PSTPIP1: variants seen among roughly 807,000 people sequenced by gnomAD.
The protein encoded by PSTPIP1 is proline-serine-threonine phosphatase-interacting protein 1.
Under a neutral mutation model 69.6 loss-of-function variants are expected in PSTPIP1, and 66 were observed. The ratio of observed to expected loss-of-function variants is 0.95; its 90% CI spans 0.78 to 1.16. The LOEUF (loss-of-function observed/expected upper bound fraction) is 1.16, where lower values mean the gene tolerates loss of function less well. Ranked by LOEUF, PSTPIP1 falls within the 50% of genes most tolerant of loss-of-function variation. PSTPIP1 has a pLI of 0.00. For missense variants in PSTPIP1, 603 were observed against 557.4 expected (o/e 1.08, Z -0.82); for synonymous variants, 266 against 222.7 (o/e 1.19, Z -1.73).
chr15:76,994,951 G>A, upstream of PSTPIP1: 2 of 1,224,522 alleles, frequency 1.6e-6, no homozygotes, highest in Non-Finnish European at 2.1e-6. Flanking sequence ...CACTGTCAGT[G>A]GGCCTCAAGC....
chr15:77,034,143 A>G (rs1017358604), intron 12 of PSTPIP1, among the ~76,000 whole-genome samples: 5 of 152,090 alleles, frequency 3.3e-5, no homozygotes, highest in African/African-American at 1.2e-4. Flanking sequence ...AGGACTGGGA[A>G]GAGGCGGGGG....
chr15:77,032,677 C>T (rs1406074303), intron 11 of PSTPIP1, 185 bp from the exon 12 acceptor site: 2 of 632,226 alleles, frequency 3.2e-6, no homozygotes, highest in Non-Finnish European at 5.5e-6. Context: ...CACTGGATCA[C>T]GGGTCCAGAA....
At chr15:77,001,011 C>G (rs80246505) in intron 1 of PSTPIP1, among the ~76,000 whole-genome samples, 1 of 152,118 alleles carries the variant, frequency 6.6e-6, no homozygotes, top group East Asian at 1.9e-4. Context: ...TCGGGAACAC[C>G]TGTGGGTGTG....
intron 12 of PSTPIP1, among the ~76,000 whole-genome samples, chr15:77,033,267 G>C (rs533951956): frequency 9.8e-4 from 149 of 152,338 alleles, no homozygotes; most frequent in African/African-American, 2.7e-3. Flanking sequence ...TGCCCTGTCA[G>C]GCTGCAGTGG....
rs1292085058 is a variant in PSTPIP1, at chr15:77,025,215, G to T, written c.213-69G>T. On this transcript the variant is annotated intron_variant, in intron 3 of 14. Transcript: ENST00000558012. Reference sequence around the variant, plus strand: ...GTCCTCCCCACTGCCCACCCCGCCGGGAGGCAGCCTGGACTGTAGGTTCCC... The same window carrying T: ...GTCCTCCCCACTGCCCACCCCGCCGTGAGGCAGCCTGGACTGTAGGTTCCC... 9.9e-6 allele frequency: 15 copies of T among 1,516,794 alleles called. No homozygotes were observed. The East Asian group carries it at 3.2e-4, about 32-fold the overall frequency. The allele number at this position is 1,516,794 out of a possible 1,614,324, so 94.0% of individuals were successfully genotyped here. A position where few individuals can be genotyped will look rare whatever the true frequency, so the allele number is the denominator to read the frequency against.
At chr15:77,029,500 T>A (rs2076363068) in intron 7 of PSTPIP1, 29 bp from the exon 8 acceptor site, 1 of 1,563,118 alleles carries the variant, frequency 6.4e-7, no homozygotes, top group African/African-American at 1.4e-5. Flanking sequence ...GGGCAGGGGC[T>A]TAGCGCTGCT....
chr15:76,999,967 G>A (rs1315555891), intron 1 of PSTPIP1, among the ~76,000 whole-genome samples: 1 of 152,222 alleles, frequency 6.6e-6, no homozygotes, highest in African/African-American at 2.4e-5. Context: ...AGGACCTGGG[G>A]AGGCTGGGTC....
chr15:76,996,991 A>G (rs185306283), intron 1 of PSTPIP1, among the ~76,000 whole-genome samples: 1 of 152,250 alleles, frequency 6.6e-6, no homozygotes, highest in Non-Finnish European at 1.5e-5. Context: ...CCCCTTGACT[A>G]TTTTATCACT....
At position 77,027,415 on chromosome 15, in the gene PSTPIP1, C is replaced by T. The variant is rs2076304517; in HGVS notation, c.355-437C>T. Among the ~76,000 whole-genome samples the T allele has an allele frequency of 6.6e-6, 1 of 152,124 alleles. No homozygotes were observed. The highest frequency in any genetic ancestry group is 1.5e-5 in the Non-Finnish European group (1 of 68,022). On this transcript the variant is annotated intron_variant, in intron 5 of 14. Coordinates refer to ENST00000558012, the MANE Select transcript of PSTPIP1 (RefSeq NM_003978.5). The surrounding 1 kb of genome is among the most constrained non-coding windows in gnomAD (Gnocchi z 4.3). The stretch of plus-strand genomic sequence containing the variant: ...GCATCTGTGGGTGTGCACAGGAATG[C>T]CTGTGATCATGCGTGTGGGCAGCTA...
chr15:76,997,776 A>C (rs1305373276), intron 1 of PSTPIP1, among the ~76,000 whole-genome samples: 2 of 152,182 alleles, frequency 1.3e-5, no homozygotes, highest in Non-Finnish European at 2.9e-5. Context: ...AATATTCTGA[A>C]GCTTCATTTG....
At chr15:77,018,122 A>C in intron 1 of PSTPIP1, 26 bp from the exon 2 acceptor site, 1 of 1,558,176 alleles carries the variant, frequency 6.4e-7, no homozygotes, top group South Asian at 1.2e-5. Flanking sequence ...CGTGGCCCTC[A>C]TGTGTCCTTC....
At chr15:77,032,720 T>G in intron 11 of PSTPIP1, 142 bp from the exon 12 acceptor site, 1 of 701,614 alleles carries the variant, frequency 1.4e-6, no homozygotes, top group Admixed American at 2.8e-5. Flanking sequence ...CGGTGGGGTC[T>G]CTCATGGGAG....
intron 1 of PSTPIP1, among the ~76,000 whole-genome samples, chr15:77,002,303 G>A (rs1384758979): frequency 6.6e-6 from 1 of 152,204 alleles, no homozygotes; most frequent in East Asian, 1.9e-4. Flanking sequence ...GTTTGTTCTT[G>A]CTTCTACTTT....
At chr15:77,025,233 A>G (rs1260931326) in intron 3 of PSTPIP1, 51 bp from the exon 4 acceptor site, 1 of 1,556,436 alleles carries the variant, frequency 6.4e-7, no homozygotes, top group Non-Finnish European at 8.9e-7. Context: ...CCTGGACTGT[A>G]GGTTCCCGCT....
intron 1 of PSTPIP1, among the ~76,000 whole-genome samples, chr15:76,999,883 G>GA (rs1260998348): frequency 6.6e-6 from 1 of 152,168 alleles, no homozygotes; most frequent in Non-Finnish European, 1.5e-5. Flanking sequence ...TTTTAAGAGG[G>GA]AAAATCTAGT....
Position 76,995,710 on chromosome 15 carries a change from C to T in PSTPIP1, c.36+101C>T, listed in dbSNP as rs2075563188. 4.4e-6 allele frequency: 7 copies of T among 1,588,790 alleles called. No homozygotes were observed. The South Asian group carries it at 6.6e-5, about 15-fold the overall frequency. ...GATGCGGCTCCGAGAGGGGAGCTTT[C>T]TCATAAAATAGTGGTTGATTCTTGG... On this transcript the variant is annotated intron_variant, in intron 1 of 14. Transcript: ENST00000558012.
Position 77,027,196 on chromosome 15 carries a change from C to G in PSTPIP1, c.355-656C>G, listed in dbSNP as rs532910548. ...CCTCCCCTGAGACCCCAGGCACAAACTGGCTCAGTTCTCCTCCTACCTCAT... is the reference window on the plus strand; with the variant it reads ...CCTCCCCTGAGACCCCAGGCACAAAGTGGCTCAGTTCTCCTCCTACCTCAT... On this transcript the variant is annotated intron_variant, in intron 5 of 14. Coordinates refer to ENST00000558012, the MANE Select transcript of PSTPIP1 (RefSeq NM_003978.5). This position sits in a 1 kb window ranked among gnomAD's most constrained non-coding sequence, Gnocchi z 4.3. 3.9e-5 allele frequency among the ~76,000 whole-genome samples: 6 copies of G among 152,260 alleles called. No individual in the cohort carries two copies. Among genetic ancestry groups the G allele is most frequent in the Admixed American group, 3.9e-4 (6 of 15,290 alleles).
At chr15:77,002,582 A>G (rs1320282241) in intron 1 of PSTPIP1, among the ~76,000 whole-genome samples, 3 of 152,246 alleles carry the variant, frequency 2.0e-5, no homozygotes, top group Non-Finnish European at 4.4e-5. Flanking sequence ...TCTGGGGACC[A>G]AGAACTTCGT....
chr15:77,014,689 A>G (rs1596075836), intron 1 of PSTPIP1, among the ~76,000 whole-genome samples: 2 of 152,114 alleles, frequency 1.3e-5, no homozygotes, highest in African/African-American at 2.4e-5. Flanking sequence ...GTGCTTCTCC[A>G]CTCAAGCCGT....
Sources: gnomAD v4.1 joint callset for allele counts (sites outside exome capture counted in the v4.1 genomes callset) on GRCh38, gnomAD v4.1.1 for gene constraint, Gnocchi (gnomAD v3.1) non-coding constraint, MANE v1.5 for transcripts, NCBI Gene and HGNC (gene_info 2026-07-23, HGNC 2026-07-21) for gene names.